Variants in ADK observed in about 807,000 individuals in gnomAD.
The protein encoded by ADK is N6,N6-dimethyladenosine kinase.
A neutral mutation model predicts 44.7 loss-of-function variants in ADK; 24 were observed. That is an observed-to-expected ratio of 0.54 (90% CI 0.39 to 0.76). ADK has a LOEUF of 0.76. Ranked by LOEUF, ADK falls within the 30% of genes least tolerant of loss-of-function variation. The pLI, the probability that ADK is intolerant of heterozygous loss-of-function variation, is 0.00. For missense variants in ADK, 321 were observed against 425.1 expected (o/e 0.76, Z 2.15); for synonymous variants, 128 against 142.6 (o/e 0.90, Z 0.73).
chr10:74,151,243 T>C lies in ADK; in HGVS notation c.-36T>C. 6.5e-7 allele frequency: 1 copy of C among 1,548,420 alleles called. No homozygotes were observed. Among genetic ancestry groups the C allele is most frequent in the East Asian group, 2.4e-5 (1 of 40,866 alleles). ...GGGACCAGAGAGTGGATGGCAGAGG[T>C]GGGCTGTAGAGCCAAAGTGGGGTGG... On this transcript the variant is annotated 5_prime_UTR_variant, in exon 1 of 11. Coordinates refer to ENST00000539909, the MANE Select transcript of ADK (RefSeq NM_006721.4).
intron 3 of ADK, among the ~76,000 whole-genome samples, chr10:74,279,117 A>G (rs1846816239): frequency 6.6e-6 from 1 of 151,674 alleles, no homozygotes; most frequent in Non-Finnish European, 1.5e-5. Context: ...CATCTCTCCT[A>G]AAAATACAAA....
At chr10:74,274,732 G>GTATATATATATATATATATATA (rs754929114) in intron 3 of ADK, among the ~76,000 whole-genome samples, 2,797 of 83,594 alleles carry the variant, frequency 0.033, 207 homozygotes, top group Non-Finnish European at 0.048. Context: ...TTTAATGTGT[G>GTATATATATATATATATATATA]TATATATATA....
At chr10:74,528,265 G>A (rs893036687) in intron 7 of ADK, 20 of 290,824 alleles carry the variant, frequency 6.9e-5, no homozygotes, top group Middle Eastern at 9.7e-4. Context: ...TAAACATACA[G>A]TGACAACACT....
At chr10:74,642,584 G>A (rs1853902427) in intron 9 of ADK, among the ~76,000 whole-genome samples, 1 of 151,686 alleles carries the variant, frequency 6.6e-6, no homozygotes, top group South Asian at 2.1e-4. Flanking sequence ...TGATCTCATG[G>A]TTACTGATAT....
chr10:74,628,093 T>C lies in ADK; in HGVS notation c.877+27600T>C, dbSNP rs969601368. The stretch of plus-strand genomic sequence containing the variant: ...AACCCAGCATGCCACTTGTAAACCA[T>C]CTATACATAGAGACATTTGTCACCA... On this transcript the variant is annotated intron_variant, in intron 9 of 10. Transcript: ENST00000539909. Among the ~76,000 whole-genome samples the C allele has an allele frequency of 3.9e-5, 6 of 152,190 alleles. No individual in the cohort carries two copies. In the East Asian group the frequency reaches 1.2e-3, roughly 29 times the overall value.
In ADK at chr10:74,398,459, T is replaced by C; in HGVS notation, c.447-12T>C. ...ACTATAATATTACTTGCTTATTCTT[T>C]GGTTGTTTTAGGTCCCTCATAGCTA... On this transcript the variant is annotated splice_polypyrimidine_tract_variant and intron_variant, in intron 5 of 10. Transcript: ENST00000539909. The C allele has an allele frequency of 6.4e-7, 1 of 1,555,138 alleles. No homozygotes were observed. The highest frequency in any genetic ancestry group is 2.3e-5 in the East Asian group (1 of 44,314).
intron 9 of ADK, among the ~76,000 whole-genome samples, chr10:74,643,335 G>A (rs1156358400): frequency 6.6e-6 from 1 of 152,050 alleles, no homozygotes; most frequent in Non-Finnish European, 1.5e-5. Context: ...TTTACCCATA[G>A]GTTCTAGTTC....
intron 4 of ADK, among the ~76,000 whole-genome samples, chr10:74,328,764 G>C (rs983389439): frequency 2.0e-5 from 3 of 152,108 alleles, no homozygotes; most frequent in African/African-American, 7.2e-5. Context: ...GGCCTCCCCA[G>C]TCATACAGAA....
intron 10 of ADK, among the ~76,000 whole-genome samples, chr10:74,694,861 C>A (rs1467522722): frequency 6.6e-6 from 1 of 152,014 alleles, no homozygotes; most frequent in African/African-American, 2.4e-5. Flanking sequence ...GAAATATTTT[C>A]TACCTCTAGG....
chr10:74,257,782 A>G (rs537400771), intron 3 of ADK, among the ~76,000 whole-genome samples: 4 of 152,360 alleles, frequency 2.6e-5, no homozygotes, highest in African/African-American at 4.8e-5. Context: ...AAAAAAATGC[A>G]GTGTAACTTG....
chr10:74,650,398 G>A (rs560235134), intron 9 of ADK, among the ~76,000 whole-genome samples: 1 of 152,198 alleles, frequency 6.6e-6, no homozygotes, highest in South Asian at 2.1e-4. Flanking sequence ...GCGTGACAGA[G>A]TGAGACTCTG....
chr10:74,307,654 A>T (rs1236952073), intron 3 of ADK, among the ~76,000 whole-genome samples: 5 of 152,132 alleles, frequency 3.3e-5, no homozygotes, highest in Admixed American at 2.0e-4. Flanking sequence ...GATGAGTGAC[A>T]TTTTTTGAAG....
At chr10:74,592,851 C>T (rs73276235) in intron 8 of ADK, among the ~76,000 whole-genome samples, 6,546 of 152,266 alleles carry the variant, frequency 0.043, 432 homozygotes, top group African/African-American at 0.14. Context: ...AAATTCATCA[C>T]TTCTTGGCCT....
intron 3 of ADK, among the ~76,000 whole-genome samples, chr10:74,259,566 C>A (rs942379303): frequency 6.6e-6 from 1 of 150,698 alleles, no homozygotes; most frequent in African/African-American, 2.5e-5. Flanking sequence ...ATGCCATTCT[C>A]CTGCCTCAGC....
chr10:74,151,735 C>T (rs1841597456), intron 1 of ADK, among the ~76,000 whole-genome samples: 1 of 152,208 alleles, frequency 6.6e-6, no homozygotes. Context: ...AACTGCTGTA[C>T]ACTGGGGCAA....
chr10:74,305,402 A>G (rs1840210610), intron 3 of ADK, among the ~76,000 whole-genome samples: 1 of 152,160 alleles, frequency 6.6e-6, no homozygotes, highest in African/African-American at 2.4e-5. Flanking sequence ...TTGATCTTAT[A>G]TGTCTGTAGT....
chr10:74,195,436 T>A (rs755066418), intron 1 of ADK, among the ~76,000 whole-genome samples: 1 of 151,332 alleles, frequency 6.6e-6, no homozygotes, highest in Non-Finnish European at 1.5e-5. Context: ...AATTGTATCT[T>A]TTTTACTTAA....
Position 74,227,931 on chromosome 10 carries a change from G to A in ADK, c.194+3340G>A, listed in dbSNP as rs538057986. The stretch of plus-strand genomic sequence containing the variant: ...AAGCTGAGGCAGGTAGATCTCTTGG[G>A]CCTAGGAGATCAAGGCTGCAGTGAA... On this transcript the variant is annotated intron_variant, in intron 3 of 10. Coordinates refer to ENST00000539909, the MANE Select transcript of ADK (RefSeq NM_006721.4). Among the ~76,000 whole-genome samples, 10 of 152,222 alleles carry A rather than the reference G, an allele frequency of 6.6e-5. No homozygotes were observed. In the East Asian group the frequency reaches 1.5e-3, roughly 23 times the overall value.
chr10:74,372,116 A>G (rs1842680112), intron 4 of ADK: 1 of 749,492 alleles, frequency 1.3e-6, no homozygotes, highest in South Asian at 1.4e-5. Context: ...ATGAACACCC[A>G]TGGGAATTCA....
Sources: gnomAD v4.1 joint callset for allele counts (sites outside exome capture counted in the v4.1 genomes callset) on GRCh38, gnomAD v4.1.1 for gene constraint, MANE v1.5 for transcripts, NCBI Gene and HGNC (gene_info 2026-07-23, HGNC 2026-07-21) for gene names.